The following SSMEM1 variants were observed in gnomAD, a reference collection of about 807,000 sequenced individuals.
SSMEM1 encodes serine-rich single-pass membrane protein 1.
SSMEM1 carries 12 observed loss-of-function variants against 9.9 expected under a neutral mutation model. That is an observed-to-expected ratio of 1.21 (90% CI 0.78 to 1.96). SSMEM1 has a LOEUF of 1.96. SSMEM1 is among the 30% of genes most tolerant of loss of function. The pLI is 0.00. For synonymous variants in SSMEM1, 96 were observed against 98.9 expected, an observed-to-expected ratio of 0.97 and a Z score of 0.17; for missense variants, 259 against 292.2, an observed-to-expected ratio of 0.89 and a Z score of 0.83.
At chr7:130,213,692 C>CAAAAAAAAAAAAAAA (rs1179465068) in intron 2 of SSMEM1, among the ~76,000 whole-genome samples, 158 bp downstream of exon 2, 2 of 79,846 alleles carry the variant, frequency 2.5e-5, no homozygotes, top group Admixed American at 1.5e-4. Context: ...GACCCAGTAC[C>CAAAAAAAAAAAAAAA]AAAAAAAAAA....
At chr7:130,207,189 T>C (rs1251495361), upstream of SSMEM1, among the ~76,000 whole-genome samples, 1 of 152,212 alleles carries the variant, frequency 6.6e-6, no homozygotes, top group African/African-American at 2.4e-5. Flanking sequence ...CAGCATTATG[T>C]ATTAGGGCTG....
At chr7:130,212,631 G>A (rs571325715) in intron 1 of SSMEM1, among the ~76,000 whole-genome samples, 2 of 151,822 alleles carry the variant, frequency 1.3e-5, no homozygotes, top group South Asian at 2.1e-4. Context: ...AGGCTGAGAC[G>A]GGAGAATCAC....
chr7:130,205,646 G>T, upstream of SSMEM1: 1 of 592,496 alleles, frequency 1.7e-6, no homozygotes, highest in Non-Finnish European at 3.0e-6. Context: ...AGTAATAATT[G>T]TAACAAGCTG....
Position 130,208,064 on chromosome 7 carries a change from C to T in SSMEM1, c.154C>T (p.Leu52=), listed in dbSNP as rs1798522241. 2 of 1,613,674 alleles carry T rather than the reference C, an allele frequency of 1.2e-6. No individual in the cohort carries two copies. The highest frequency in any genetic ancestry group is 1.7e-6 in the Non-Finnish European group (2 of 1,179,902). The change falls in exon 1 of 3, where the codon CTG becomes TTG. Residue 52 remains leucine (L), a synonymous_variant. Coordinates refer to ENST00000297819, the MANE Select transcript of SSMEM1 (RefSeq NM_145268.4). The part of the protein sequence containing the change: ...LLWYFVIVFV[L]MFFSRASVWM... ...TTGGTATTTTGTTATCGTATTTGTC[C>T]TGATGTTCTTCTCTAGGGCTTCTGT...
At chr7:130,208,449 A>G (rs1184525298) in intron 1 of SSMEM1, among the ~76,000 whole-genome samples, 1 of 152,190 alleles carries the variant, frequency 6.6e-6, no homozygotes, top group Non-Finnish European at 1.5e-5. Context: ...TAAGCTTAAT[A>G]ATATATCAGA....
At chr7:130,205,797 CT>C (rs201925933), upstream of SSMEM1, among the ~76,000 whole-genome samples, 61 of 152,282 alleles carry the variant, frequency 4.0e-4, 1 homozygote, top group East Asian at 0.012. Context: ...CAAAGCATTT[CT>C]TTCCCCTGTG....
At chr7:130,213,558 G>A in intron 2 of SSMEM1, 24 bp downstream of exon 2, 1 of 1,606,144 alleles carries the variant, frequency 6.2e-7, no homozygotes, top group Non-Finnish European at 8.5e-7. Context: ...CATATTTGGT[G>A]TTGGACTATG....
In SSMEM1 at chr7:130,216,650, C is replaced by T. The variant is rs182410496; in HGVS notation, c.*180C>T. On this transcript the variant is annotated 3_prime_UTR_variant, in exon 3 of 3. Transcript: ENST00000297819. Reference sequence around the variant, plus strand: ...AATTCTTCGTTCAAAAAAAAAAAGGCCATCACGTGTTTATGGCACCATTGG... The same window carrying T: ...AATTCTTCGTTCAAAAAAAAAAAGGTCATCACGTGTTTATGGCACCATTGG... 778 of 724,998 alleles carry T rather than the reference C, an allele frequency of 1.1e-3. 3 individuals are homozygous for T. Among genetic ancestry groups the T allele is most frequent in the South Asian group, 4.0e-3 (200 of 49,536 alleles). 44.9% of individuals were successfully genotyped at this position (724,998 alleles called of 1,614,324 possible).
chr7:130,213,883 GT>G (rs1798653729), intron 2 of SSMEM1, among the ~76,000 whole-genome samples: 1 of 152,148 alleles, frequency 6.6e-6, no homozygotes, highest in Non-Finnish European at 1.5e-5. Context: ...GGACTCCCTA[GT>G]GCAGAGGGAC....
intron 1 of SSMEM1, among the ~76,000 whole-genome samples, chr7:130,212,564 A>G (rs781719004): frequency 1.3e-5 from 2 of 152,030 alleles, no homozygotes; most frequent in African/African-American, 2.4e-5. Flanking sequence ...TGTCTCTACT[A>G]AAAATACAAA....
chr7:130,206,110 T>A (rs1005958654), upstream of SSMEM1, among the ~76,000 whole-genome samples: 1 of 152,254 alleles, frequency 6.6e-6, no homozygotes, highest in South Asian at 2.1e-4. Context: ...TTCGTATGTA[T>A]TTTTTGGAAG....
Position 130,216,576 on chromosome 7 carries a change from T to C in SSMEM1, c.*106T>C. The C allele has an allele frequency of 1.5e-6, 2 of 1,369,356 alleles. No individual in the cohort carries two copies. Among genetic ancestry groups the C allele is most frequent in the South Asian group, 1.4e-5 (1 of 69,076 alleles). 84.8% of individuals were successfully genotyped at this position (1,369,356 alleles called of 1,614,324 possible). On this transcript the variant is annotated 3_prime_UTR_variant, in exon 3 of 3. Transcript: ENST00000297819. ...GGAGACTTTTACAACAAAGTCTCTCTACCAACAAACAAAAACATACTTGGA... is the reference window on the plus strand; with the variant it reads ...GGAGACTTTTACAACAAAGTCTCTCCACCAACAAACAAAAACATACTTGGA...
upstream of SSMEM1, among the ~76,000 whole-genome samples, chr7:130,206,217 G>A (rs764267797): frequency 7.9e-5 from 12 of 152,196 alleles, no homozygotes; most frequent in Non-Finnish European, 1.8e-4. Context: ...TAGAAAATAA[G>A]ACCTTCCTGG....
At position 130,216,435 on chromosome 7, in the gene SSMEM1, A is replaced by G; in HGVS notation, c.700A>G (p.Ile234Val). The change falls in exon 3 of 3, where the codon ATA becomes GTA. Residue 234 changes from isoleucine (I) to valine (V), a missense_variant. Ile to Val is a conservative substitution (Grantham distance 29, BLOSUM62 3). Coordinates refer to ENST00000297819, the MANE Select transcript of SSMEM1 (RefSeq NM_145268.4). ...MKRDSQEESSISDINKKFSKF is the reference protein window; with the variant it reads ...MKRDSQEESSVSDINKKFSKF The stretch of plus-strand genomic sequence containing the variant: ...AAGAGACAGTCAAGAGGAAAGTTCC[A>G]TATCTGACATTAACAAGAAATTTAG... 1.2e-6 allele frequency: 2 copies of G among 1,611,408 alleles called. No individual in the cohort carries two copies. Among genetic ancestry groups the G allele is most frequent in the Non-Finnish European group, 8.5e-7 (1 of 1,177,856 alleles).
chr7:130,207,953 C>G lies in SSMEM1; in HGVS notation c.43C>G (p.Pro15Ala), dbSNP rs766775566. 1 of 1,613,976 alleles carries G rather than the reference C, an allele frequency of 6.2e-7. No homozygotes were observed. Among genetic ancestry groups the G allele is most frequent in the South Asian group, 1.1e-5 (1 of 91,062 alleles). Residue 15 changes from proline (P) to alanine (A), a missense_variant, in exon 1 of 3, where the codon CCA becomes GCA. Coordinates refer to ENST00000297819, the MANE Select transcript of SSMEM1 (RefSeq NM_145268.4). ...FSLFWEVDPP[P>A]IPVNCAIPNQ... ...CTTATTTTGGGAGGTAGATCCTCCC[C>G]CAATACCTGTAAATTGTGCCATTCC...
At chr7:130,206,336 T>C (rs1798468389), upstream of SSMEM1, among the ~76,000 whole-genome samples, 1 of 152,112 alleles carries the variant, frequency 6.6e-6, no homozygotes, top group African/African-American at 2.4e-5. Flanking sequence ...CAGCCCCAGC[T>C]CTCGCGAGCT....
chr7:130,205,498 C>G (rs1798427943), upstream of SSMEM1: 1 of 1,509,136 alleles, frequency 6.6e-7, no homozygotes, highest in African/African-American at 1.4e-5. Context: ...AGTCTCTTCT[C>G]GCGAGAAAGG....
chr7:130,205,753 G>C (rs541634603), upstream of SSMEM1, among the ~76,000 whole-genome samples: 4 of 152,342 alleles, frequency 2.6e-5, no homozygotes, highest in Non-Finnish European at 5.9e-5. Flanking sequence ...GTAGGATAGA[G>C]TGGCGTGATA....
At chr7:130,212,465 T>C (rs2727841) in intron 1 of SSMEM1, among the ~76,000 whole-genome samples, 151,397 of 152,240 alleles carry the variant, frequency 0.99, 75,285 homozygotes, top group Middle Eastern at 1. Context: ...GTGGCTTACA[T>C]CCGTAATCCC....
Sources: allele counts gnomAD v4.1 joint callset (sites outside exome capture counted in the v4.1 genomes callset), GRCh38; gene constraint gnomAD v4.1.1; transcripts MANE v1.5; gene names NCBI Gene and HGNC (gene_info 2026-07-23, HGNC 2026-07-21).